Variants in RBM4 observed in about 807,000 individuals in gnomAD.
RBM4 encodes the protein RNA binding motif protein 4, also known as RNA-binding protein 4.
A neutral mutation model predicts 29.5 loss-of-function variants in RBM4; 7 were observed. That is an observed-to-expected ratio of 0.24 (90% CI 0.14 to 0.45). The LOEUF is 0.45. Among genes scored for constraint, RBM4 ranks in the 20% least tolerant of loss-of-function variants. RBM4 has a pLI of 1.00. For missense variants in RBM4, 387 were observed against 502.3 expected, an observed-to-expected ratio of 0.77 and a Z score of 2.19; for synonymous variants, 220 against 205.4, an observed-to-expected ratio of 1.07 and a Z score of -0.61.
chr11:66,653,807 CTTTTTT>C (rs1302327004), intron 2 of RBM4, among the ~76,000 whole-genome samples: 1 of 144,620 alleles, frequency 6.9e-6, no homozygotes, highest in African/African-American at 2.6e-5. Flanking sequence ...TCTTTTTTCT[CTTTTTT>C]TTTTTCTTTT....
downstream of RBM4, among the ~76,000 whole-genome samples, chr11:66,649,414 A>T (rs1352309230): frequency 6.6e-6 from 1 of 152,222 alleles, no homozygotes; most frequent in Non-Finnish European, 1.5e-5. Context: ...TTGTGGTGAT[A>T]CGCAGCTGAA....
exon 3 of RBM4, chr11:66,667,101 G>A (rs1050831397): frequency 3.3e-5 from 5 of 152,104 alleles, no homozygotes; most frequent in African/African-American, 1.2e-4. Flanking sequence ...AAAGGGATAA[G>A]TTAGGAACAC....
At chr11:66,662,843 G>A (rs1939107818) in intron 2 of RBM4, among the ~76,000 whole-genome samples, 1 of 152,044 alleles carries the variant, frequency 6.6e-6, no homozygotes, top group Non-Finnish European at 1.5e-5. Flanking sequence ...CAGCATCTTT[G>A]CCTTATTTTC....
downstream of RBM4, among the ~76,000 whole-genome samples, chr11:66,647,152 C>A (rs1050204138): frequency 6.6e-6 from 1 of 152,198 alleles, no homozygotes; most frequent in East Asian, 1.9e-4. Context: ...TATTTGTCTT[C>A]CATATGTTTG....
chr11:66,664,144 T>G (rs1382360094), intron 2 of RBM4, among the ~76,000 whole-genome samples: 1 of 150,712 alleles, frequency 6.6e-6, no homozygotes, highest in Non-Finnish European at 1.5e-5. Context: ...TAGCTGAGAT[T>G]ACAGGCATGC....
chr11:66,639,973 A>G lies in RBM4; in HGVS notation c.262A>G (p.Thr88Ala), dbSNP rs1374483308. ...TKLHVGNISP[T>A]CTNKELRAKF... Reference sequence around the variant, plus strand: ...GTTGCATGTGGGCAACATCAGTCCCACCTGCACCAATAAGGAGCTTCGAGC... The same window carrying G: ...GTTGCATGTGGGCAACATCAGTCCCGCCTGCACCAATAAGGAGCTTCGAGC... The change falls in exon 2 of 4, where the codon ACC becomes GCC. Residue 88 changes from threonine to alanine, a missense_variant. By Grantham distance (58) the Thr-to-Ala change is moderately conservative. Transcript: ENST00000310092. 3.7e-6 allele frequency: 6 copies of G among 1,614,178 alleles called. No homozygotes were observed. Among genetic ancestry groups the G allele is most frequent in the Non-Finnish European group, 5.1e-6 (6 of 1,180,032 alleles).
intron 3 of RBM4, 126 bp downstream of exon 3, chr11:66,644,266 T>G: frequency 7.6e-7 from 1 of 1,324,214 alleles, no homozygotes; most frequent in African/African-American, 1.5e-5. Context: ...CTAGGATGGC[T>G]CACAGGCTAG....
chr11:66,656,982 A>G, intron 2 of RBM4, among the ~76,000 whole-genome samples: 1 of 152,088 alleles, frequency 6.6e-6, no homozygotes, highest in Non-Finnish European at 1.5e-5. Flanking sequence ...TGTACTGGTA[A>G]TTTTGGTAAC....
chr11:66,643,589 A>C lies in RBM4; in HGVS notation c.552A>C (p.Ala184=), dbSNP rs1231300261. 2 of 1,614,126 alleles carry C rather than the reference A, an allele frequency of 1.2e-6. No individual in the cohort carries two copies. The highest frequency in any genetic ancestry group is 2.2e-5 in the East Asian group (1 of 44,890). The change falls in exon 3 of 4, where the codon GCA becomes GCC. Residue 184 remains alanine, a synonymous_variant. Transcript: ENST00000310092. The surrounding 1 kb of genome is among the most constrained non-coding windows in gnomAD (Gnocchi z 6.1). ...ECPIDRSGRV[A]DLTEQYNEQY... Reference sequence around the variant, plus strand: ...CGATAGATCGTTCAGGCCGCGTGGCAGACTTGACCGAGCAATATAATGAGC... The same window carrying C: ...CGATAGATCGTTCAGGCCGCGTGGCCGACTTGACCGAGCAATATAATGAGC...
At position 66,653,853 on chromosome 11, in the gene RBM4, G is replaced by C. The variant is rs1353660500; in HGVS notation, c.413-12003G>C. ...TTCTGAGACAGAGTCCTGCTCTGTC[G>C]CCCAGGATAGGGACTCACACTTTGA... On this transcript the variant is annotated intron_variant, in intron 2 of 2. Transcript: ENST00000396053. Among the ~76,000 whole-genome samples, 5 of 142,006 alleles carry C rather than the reference G, an allele frequency of 3.5e-5. No homozygotes were observed. In the South Asian group the frequency reaches 1.1e-3, roughly 31 times the overall value. 93.2% of individuals were successfully genotyped at this position (142,006 alleles called of 152,430 possible).
At chr11:66,650,640 GA>G (rs1938806160), downstream of RBM4, among the ~76,000 whole-genome samples, 2 of 151,524 alleles carry the variant, frequency 1.3e-5, no homozygotes, top group Admixed American at 6.6e-5. Flanking sequence ...GAGGTGGGCG[GA>G]TCACGAGGTC....
At chr11:66,645,258 T>C (rs1192769891) in intron 3 of RBM4, among the ~76,000 whole-genome samples, 1 of 152,236 alleles carries the variant, frequency 6.6e-6, no homozygotes, top group Non-Finnish European at 1.5e-5. Flanking sequence ...TCTAGGTGTT[T>C]GAGATTATTG....
intron 2 of RBM4, among the ~76,000 whole-genome samples, chr11:66,660,129 C>CTT (rs778565169): frequency 2.9e-4 from 37 of 127,426 alleles, no homozygotes; most frequent in South Asian, 5.0e-4. Flanking sequence ...GCCTCAGGGC[C>CTT]TTTTTTTTTT....
In RBM4 at chr11:66,643,327, C is replaced by A; in HGVS notation, c.413-123C>A. The A allele has an allele frequency of 6.5e-5, 75 of 1,154,066 alleles. No homozygotes were observed. The highest frequency in any genetic ancestry group is 9.3e-5 in the Admixed American group (3 of 32,164). 71.5% of individuals were successfully genotyped at this position (1,154,066 alleles called of 1,614,324 possible). On this transcript the variant is annotated intron_variant, in intron 2 of 3. Transcript: ENST00000310092. The surrounding 1 kb of genome is among the most constrained non-coding windows in gnomAD (Gnocchi z 6.1). Reference sequence around the variant, plus strand: ...TTTTTTTTTTTCCTTTTTATCTTTTCCTAAAGATGAGTCCTGCATTAGAAT... The same window carrying A: ...TTTTTTTTTTTCCTTTTTATCTTTTACTAAAGATGAGTCCTGCATTAGAAT...
At chr11:66,648,192 A>G (rs992042761), downstream of RBM4, among the ~76,000 whole-genome samples, 1 of 151,996 alleles carries the variant, frequency 6.6e-6, no homozygotes, top group Non-Finnish European at 1.5e-5. Flanking sequence ...GGCAATGAGC[A>G]AAACTCCTCA....
downstream of RBM4, among the ~76,000 whole-genome samples, chr11:66,646,742 TAG>T (rs1229515346): frequency 6.6e-6 from 1 of 152,224 alleles, no homozygotes; most frequent in Non-Finnish European, 1.5e-5. Context: ...TCTTCTCTTC[TAG>T]AGAAACAGTC....
chr11:66,638,732 G>C lies in RBM4; in HGVS notation c.-33G>C, dbSNP rs28403597. 1 of 153,332 alleles carries C rather than the reference G, an allele frequency of 6.5e-6. No individual in the cohort carries two copies. Among genetic ancestry groups the C allele is most frequent in the African/African-American group, 2.4e-5 (1 of 41,470 alleles). The allele number at this position is 153,332 out of a possible 1,614,324, so 9.5% of individuals were successfully genotyped here. A position where few individuals can be genotyped will look rare whatever the true frequency, so the allele number is the denominator to read the frequency against. ...GAAGCGTCCGCGCCGCGAGGAGGAG[G>C]CCCTGCTGGTTTCTGTGCGGGTGAG... is the stretch of plus-strand genomic sequence containing the variant. On this transcript the variant is annotated 5_prime_UTR_variant, in exon 1 of 4. Transcript: ENST00000310092.
exon 3 of RBM4, chr11:66,666,500 G>T: frequency 1.0e-6 from 1 of 970,666 alleles, no homozygotes; most frequent in Non-Finnish European, 1.2e-6. Flanking sequence ...ACACCTGGAA[G>T]GTAAGTTTCT....
exon 3 of RBM4, chr11:66,666,224 T>G: frequency 1.1e-6 from 1 of 900,248 alleles, no homozygotes; most frequent in African/African-American, 1.7e-5. Context: ...CTATTGATGA[T>G]GGGAACTCCA....
Sources: gnomAD v4.1 joint callset for allele counts (sites outside exome capture counted in the v4.1 genomes callset) on GRCh38, gnomAD v4.1.1 for gene constraint, Gnocchi (gnomAD v3.1) non-coding constraint, MANE v1.5 for transcripts, NCBI Gene and HGNC (gene_info 2026-07-23, HGNC 2026-07-21) for gene names.